The following AXIN2 variants were observed in gnomAD, a reference collection of about 807,000 sequenced individuals.
AXIN2 encodes axin 2, also known as axin-2.
In AXIN2, 21 loss-of-function variants were observed where a neutral mutation model predicts 74.7. That is an observed-to-expected ratio of 0.28 (90% CI 0.20 to 0.40). The LOEUF (loss-of-function observed/expected upper bound fraction) is 0.40, where lower values mean the gene tolerates loss of function less well. AXIN2 is among the 10% of genes least tolerant of loss of function. AXIN2 has a pLI of 1.00. For synonymous variants in AXIN2, 532 were observed against 454.9 expected, an observed-to-expected ratio of 1.17 and a Z score of -2.16; for missense variants, 1,144 against 1,111.1, an observed-to-expected ratio of 1.03 and a Z score of -0.42.
intron 3 of AXIN2, among the ~76,000 whole-genome samples, chr17:65,541,856 C>T (rs1375469725): frequency 2.0e-5 from 3 of 152,232 alleles, no homozygotes; most frequent in African/African-American, 7.2e-5. Flanking sequence ...CTGGGTTACA[C>T]TCCAGCCAGC....
chr17:65,540,536 G>T (rs1247013316), intron 4 of AXIN2, among the ~76,000 whole-genome samples: 1 of 152,084 alleles, frequency 6.6e-6, no homozygotes, highest in African/African-American at 2.4e-5. Context: ...TCAAAAATAG[G>T]TCATCAAACC....
At chr17:65,560,942 G>A (rs929287513) in intron 1 of AXIN2, 11 of 148,026 alleles carry the variant, frequency 7.4e-5, no homozygotes, top group Non-Finnish European at 1.5e-4. Flanking sequence ...GCCGGCCGCG[G>A]CGTCGGGGAA....
chr17:65,538,296 G>T lies in AXIN2; in HGVS notation c.1107C>A (p.Thr369=), dbSNP rs1177671049. 6.2e-7 allele frequency: 1 copy of T among 1,614,104 alleles called. No individual in the cohort carries two copies. Among genetic ancestry groups the T allele is most frequent in the African/African-American group, 1.3e-5 (1 of 74,952 alleles). ...GCCTCGAGATCAGCTCAGCTGCAAA[G>T]GTGGCGGGTTCCACGGGGGTCATCT... The part of the protein sequence containing the change: ...PKEMTPVEPA[T]FAAELISRLE... Residue 369 remains threonine, a synonymous_variant, in exon 5 of 11, where the codon ACC becomes ACA. Transcript: ENST00000307078.
chr17:65,545,459 G>T (rs8072489), intron 3 of AXIN2, among the ~76,000 whole-genome samples: 1,593 of 152,230 alleles, frequency 0.01, 39 homozygotes, highest in African/African-American at 0.037. Flanking sequence ...GGAGGCCGAG[G>T]TGGGTGGGTC....
intron 3 of AXIN2, among the ~76,000 whole-genome samples, chr17:65,542,988 C>A (rs925692876): frequency 6.6e-6 from 1 of 152,192 alleles, no homozygotes; most frequent in Non-Finnish European, 1.5e-5. Context: ...TTCTAAATAG[C>A]TGCATTTTCA....
rs1249429337 is a variant in AXIN2, at chr17:65,551,704, C to T, written c.816-2044G>A. 2.0e-5 allele frequency among the ~76,000 whole-genome samples: 3 copies of T among 152,126 alleles called. No individual in the cohort carries two copies. In the East Asian group the frequency reaches 5.8e-4, roughly 29 times the overall value. ...GCTTGTTGGAGTCACCAAACACACA[C>T]AAAAAGTTACAGGGCCATAAACTTT... On this transcript the variant is annotated intron_variant, in intron 2 of 10. Coordinates refer to ENST00000307078, the MANE Select transcript of AXIN2 (RefSeq NM_004655.4).
chr17:65,531,193 T>TCA (rs2043809529), intron 10 of AXIN2, among the ~76,000 whole-genome samples: 2 of 30,554 alleles, frequency 6.5e-5, no homozygotes, highest in South Asian at 3.9e-3. Flanking sequence ...TCTTTTCCCT[T>TCA]TAAAAAAAAA....
chr17:65,537,884 C>G (rs1456244214), intron 5 of AXIN2, 49 bp from the exon 6 acceptor site: 1 of 1,501,998 alleles, frequency 6.7e-7, no homozygotes, highest in Non-Finnish European at 8.9e-7. Flanking sequence ...AGCAGAAGGG[C>G]CAGAGGCCCT....
intron 2 of AXIN2, among the ~76,000 whole-genome samples, chr17:65,552,284 T>TA (rs1434971317): frequency 1.3e-5 from 2 of 152,150 alleles, no homozygotes; most frequent in African/African-American, 2.4e-5. Flanking sequence ...CTTCAAAAGT[T>TA]AGAGAGAAAA....
At chr17:65,533,166 G>A (rs1045264508) in intron 10 of AXIN2, among the ~76,000 whole-genome samples, 1 of 152,158 alleles carries the variant, frequency 6.6e-6, no homozygotes, top group Non-Finnish European at 1.5e-5. Flanking sequence ...CCTTCTCAAG[G>A]GCACCTCCGT....
At chr17:65,559,564 C>T (rs1294165887) in intron 1 of AXIN2, 1 of 152,048 alleles carries the variant, frequency 6.6e-6, no homozygotes, top group African/African-American at 2.4e-5. Flanking sequence ...TGAGAAGCCT[C>T]GGAACCGTCG....
At chr17:65,556,124 C>T (rs1207442671) in intron 2 of AXIN2, among the ~76,000 whole-genome samples, 4 of 152,160 alleles carry the variant, frequency 2.6e-5, no homozygotes, top group African/African-American at 9.7e-5. Flanking sequence ...TGAGTCGCAA[C>T]TGCCCACCCA....
Position 65,530,088 on chromosome 17 carries a change from T to G in AXIN2, c.2420A>C (p.Lys807Thr), listed in dbSNP as rs780367025. 6.8e-6 allele frequency: 11 copies of G among 1,614,162 alleles called. No homozygotes were observed. Among genetic ancestry groups the G allele is most frequent in the Non-Finnish European group, 6.8e-6 (8 of 1,180,004 alleles). Residue 807 changes from lysine (K) to threonine (T), a missense_variant, in exon 11 of 11, where the codon AAA becomes ACA. Coordinates refer to ENST00000307078, the MANE Select transcript of AXIN2 (RefSeq NM_004655.4). The part of the protein sequence containing the change: ...KKGNYRYYFK[K>T]ASDEFACGAV... ...TCCACAGGCAAACTCATCGCTTGCT[T>G]TTTTGAAGTAATACCTTAAAAGGAA...
In AXIN2 at chr17:65,558,172, T is replaced by G; in HGVS notation, c.449A>C (p.Lys150Thr). 3 of 1,612,780 alleles carry G rather than the reference T, an allele frequency of 1.9e-6. No homozygotes were observed. Among genetic ancestry groups the G allele is most frequent in the Non-Finnish European group, 2.5e-6 (3 of 1,179,596 alleles). ...ENNSIVSKQL[K>T]PATKTYIRDG... The stretch of plus-strand genomic sequence containing the variant: ...TCTTATGTAGGTCTTGGTGGCAGGC[T>G]TCAGCTGCTTGGAGACAATGCTGTT... The change falls in exon 2 of 11, where the codon AAG becomes ACG. Residue 150 changes from lysine to threonine, a missense_variant. Lys to Thr is a moderately conservative substitution (Grantham distance 78). This residue lies in a region of AXIN2 where 1,053 missense variants were observed against 973.5 expected (regional missense o/e 1.08). Coordinates refer to ENST00000307078, the MANE Select transcript of AXIN2 (RefSeq NM_004655.4).
chr17:65,537,196 C>A, intron 6 of AXIN2, 128 bp downstream of exon 6: 1 of 1,543,290 alleles, frequency 6.5e-7, no homozygotes. Context: ...GCACCCTCAC[C>A]CGGCCGTGCA....
rs1555583470 is a variant in AXIN2 at position 65,558,191 on chromosome 17, T to C, written c.430A>G (p.Ile144Val). ...GCAGGCTTCAGCTGCTTGGAGACAA[T>C]GCTGTTGTTCTCAATGTACCTTTTG... is the stretch of plus-strand genomic sequence containing the variant. ...IYKRYIENNS[I>V]VSKQLKPATK... is the part of the protein sequence containing the mutation. Residue 144 changes from isoleucine (I) to valine (V), a missense_variant, in exon 2 of 11, where the codon ATT becomes GTT. Around this residue, in one of 4 missense-constraint regions of AXIN2, gnomAD observed 1,053 missense variants for 973.5 expected, o/e 1.08. Transcript: ENST00000307078. The C allele has an allele frequency of 2.5e-6, 4 of 1,614,156 alleles. No individual in the cohort carries two copies. Among genetic ancestry groups the C allele is most frequent in the Non-Finnish European group, 3.4e-6 (4 of 1,180,038 alleles).
chr17:65,538,027 A>G, intron 5 of AXIN2, 176 bp downstream of exon 5: 1 of 1,348,200 alleles, frequency 7.4e-7, no homozygotes. Context: ...CCCACACGCA[A>G]CCCATGCACA....
At chr17:65,538,171 C>G (rs574302210) in intron 5 of AXIN2, 32 bp downstream of exon 5, 17 of 1,613,928 alleles carry the variant, frequency 1.1e-5, no homozygotes, top group Middle Eastern at 1.7e-4. Context: ...ACGCCGTGGA[C>G]GGAAGCAGGA....
chr17:65,544,927 C>T (rs569152328), intron 3 of AXIN2, among the ~76,000 whole-genome samples: 1 of 152,380 alleles, frequency 6.6e-6, no homozygotes, highest in Non-Finnish European at 1.5e-5. Context: ...ACTCTGAAGG[C>T]AGCCTCTGAT....
Sources: allele counts gnomAD v4.1 joint callset (sites outside exome capture counted in the v4.1 genomes callset), GRCh38; gene constraint gnomAD v4.1.1; regional missense constraint gnomAD v4.1.1; transcripts MANE v1.5; gene names NCBI Gene and HGNC (gene_info 2026-07-23, HGNC 2026-07-21).